TTC1: variants seen among roughly 807,000 people sequenced by gnomAD.
The protein encoded by TTC1 is tetratricopeptide repeat protein 1.
Under a neutral mutation model 37.6 loss-of-function variants are expected in TTC1, and 31 were observed. The observed-to-expected ratio is 0.82, with a 90% CI of 0.62 to 1.11. The LOEUF (loss-of-function observed/expected upper bound fraction) is 1.11, where lower values mean the gene tolerates loss of function less well. TTC1 is among the 50% of genes most tolerant of loss of function. The pLI is 0.00. For synonymous variants in TTC1, 127 were observed against 122.4 expected (o/e 1.04, Z -0.25); for missense variants, 351 against 339.0 (o/e 1.04, Z -0.28).
intron 2 of TTC1, among the ~76,000 whole-genome samples, chr5:160,017,009 C>T (rs1167724619): frequency 2.6e-5 from 4 of 152,126 alleles, no homozygotes; most frequent in Non-Finnish European, 1.5e-5. Context: ...ATAGTGTATT[C>T]GTGTGTTTAT....
intron 2 of TTC1, among the ~76,000 whole-genome samples, chr5:160,022,993 C>T (rs1055939621): frequency 4.6e-5 from 7 of 152,152 alleles, no homozygotes; most frequent in Non-Finnish European, 7.3e-5. Flanking sequence ...CAGTGGCTCA[C>T]GCCTGTAATC....
intron 1 of TTC1, among the ~76,000 whole-genome samples, chr5:160,010,135 G>T (rs567826086): frequency 6.6e-6 from 1 of 152,052 alleles, no homozygotes; most frequent in East Asian, 1.9e-4. Flanking sequence ...GCAGGCGCCT[G>T]TAATCCCAGC....
intron 2 of TTC1, among the ~76,000 whole-genome samples, chr5:160,015,972 C>G (rs976669187): frequency 6.6e-6 from 1 of 152,238 alleles, no homozygotes; most frequent in African/African-American, 2.4e-5. Context: ...AAAACACTCT[C>G]ATCTGGTGTC....
At chr5:160,039,102 T>G (rs1474223057) in intron 4 of TTC1, 20 of 152,160 alleles carry the variant, frequency 1.3e-4, no homozygotes. Flanking sequence ...CTTTAAGAGG[T>G]AAAGATGAAG....
intron 2 of TTC1, among the ~76,000 whole-genome samples, chr5:160,028,347 G>A (rs1756847021): frequency 6.7e-6 from 1 of 148,342 alleles, no homozygotes; most frequent in Admixed American, 6.7e-5. Context: ...TCAGATATTT[G>A]TTCTGTTCTT....
chr5:160,062,230 CTCG>C (rs959068627), intron 7 of TTC1: 30 of 152,234 alleles, frequency 2.0e-4, no homozygotes, highest in African/African-American at 7.0e-4. Flanking sequence ...AATTCTTCCT[CTCG>C]TCGGCAGTTT....
At chr5:160,061,244 G>C (rs1033766355) in intron 7 of TTC1, among the ~76,000 whole-genome samples, 1 of 152,212 alleles carries the variant, frequency 6.6e-6, no homozygotes, top group Non-Finnish European at 1.5e-5. Context: ...TATGGCCTTT[G>C]GTGCCTGGTT....
chr5:160,048,484 A>C lies in TTC1; in HGVS notation c.542-1030A>C, dbSNP rs1004231592. ...CTGCTTTCTAATAGAAAAAGAAACA[A>C]CTTGGAAGAAATTAGAAGAAATGCA... On this transcript the variant is annotated intron_variant, in intron 5 of 7. Transcript: ENST00000231238. 6.6e-5 allele frequency among the ~76,000 whole-genome samples: 10 copies of C among 152,260 alleles called. No individual in the cohort carries two copies. The East Asian group carries it at 1.9e-3, about 29-fold the overall frequency.
intron 5 of TTC1, among the ~76,000 whole-genome samples, chr5:160,047,460 T>A (rs185066441): frequency 1.1e-3 from 174 of 152,296 alleles, no homozygotes; most frequent in Non-Finnish European, 1.0e-3. Context: ...CTCTACTACT[T>A]CCAGCTTAGA....
chr5:160,061,764 A>T (rs1753419501), intron 7 of TTC1: 1 of 152,172 alleles, frequency 6.6e-6, no homozygotes, highest in Non-Finnish European at 1.5e-5. Flanking sequence ...TCTATGTGTT[A>T]GTTTGGGTCA....
chr5:160,041,313 CTTTTT>C (rs368094676), intron 4 of TTC1, among the ~76,000 whole-genome samples: 1 of 135,604 alleles, frequency 7.4e-6, no homozygotes, highest in African/African-American at 2.7e-5. Flanking sequence ...TGCTTTCTTT[CTTTTT>C]TTTTTTTTTT....
chr5:160,011,649 G>C (rs900196200), intron 2 of TTC1, among the ~76,000 whole-genome samples: 20 of 152,232 alleles, frequency 1.3e-4, no homozygotes, highest in Non-Finnish European at 1.5e-4. Flanking sequence ...ACACTCTCCT[G>C]TTTCTTTGCC....
chr5:160,022,461 C>T (rs1339909059), intron 2 of TTC1, among the ~76,000 whole-genome samples: 1 of 152,114 alleles, frequency 6.6e-6, no homozygotes, highest in Non-Finnish European at 1.5e-5. Flanking sequence ...CAAGCTACTT[C>T]TAATATTTTA....
chr5:160,050,505 G>A (rs766262365), intron 6 of TTC1, among the ~76,000 whole-genome samples: 4 of 151,720 alleles, frequency 2.6e-5, no homozygotes, highest in Admixed American at 6.6e-5. Context: ...ATATAGCACT[G>A]TAAACATCTG....
At chr5:160,039,154 C>T (rs764029039) in intron 4 of TTC1, 3 of 152,176 alleles carry the variant, frequency 2.0e-5, no homozygotes, top group Non-Finnish European at 4.4e-5. Flanking sequence ...ATCCCTGACT[C>T]AGTGCCCCTG....
intron 7 of TTC1, among the ~76,000 whole-genome samples, chr5:160,060,065 G>T (rs1003701647): frequency 6.6e-6 from 1 of 152,188 alleles, no homozygotes; most frequent in African/African-American, 2.4e-5. Flanking sequence ...TTTGCCTTTT[G>T]CTCGGAGAAA....
chr5:160,062,925 T>C (rs540204097), intron 7 of TTC1, among the ~76,000 whole-genome samples: 27 of 152,268 alleles, frequency 1.8e-4, no homozygotes, highest in African/African-American at 6.3e-4. Flanking sequence ...TCTTGCTTGT[T>C]GTGAGCCCCT....
intron 6 of TTC1, among the ~76,000 whole-genome samples, chr5:160,050,892 CTGGGAATA>C (rs1317970275): frequency 1.3e-5 from 2 of 152,084 alleles, no homozygotes; most frequent in East Asian, 3.9e-4. Context: ...TCCAAAAGTG[CTGGGAATA>C]TGGGCAGGAG....
chr5:160,010,086 C>A (rs1461605157), intron 1 of TTC1, among the ~76,000 whole-genome samples: 1 of 152,038 alleles, frequency 6.6e-6, no homozygotes, highest in Non-Finnish European at 1.5e-5. Context: ...AAAACGGCTT[C>A]TTTTGTTGCT....
Sources: allele counts gnomAD v4.1 joint callset (sites outside exome capture counted in the v4.1 genomes callset), GRCh38; gene constraint gnomAD v4.1.1; transcripts MANE v1.5; gene names NCBI Gene and HGNC (gene_info 2026-07-23, HGNC 2026-07-21).